The following EFL1 variants were observed in gnomAD, a reference collection of about 807,000 sequenced individuals.
The protein encoded by EFL1 is elongation factor-like GTPase 1.
A neutral mutation model predicts 126.7 loss-of-function variants in EFL1; 76 were observed. The observed-to-expected ratio is 0.60, with a 90% CI of 0.50 to 0.73. EFL1 has a LOEUF of 0.73. Among genes scored for constraint, EFL1 ranks in the 30% least tolerant of loss-of-function variants. The pLI, the probability that EFL1 is intolerant of heterozygous loss-of-function variation, is 0.00. For missense variants in EFL1, 1,128 were observed against 1,343.2 expected, an observed-to-expected ratio of 0.84 and a Z score of 2.50; for synonymous variants, 410 against 448.4, an observed-to-expected ratio of 0.91 and a Z score of 1.08.
intron 15 of EFL1, 107 bp from the exon 16 acceptor site, chr15:82,164,091 T>C (rs2074052146): frequency 2.9e-6 from 4 of 1,389,046 alleles, no homozygotes; most frequent in Middle Eastern, 2.0e-4. Context: ...AGCCAAATGC[T>C]TCCAAAATGT....
In EFL1 at chr15:82,220,208, A is replaced by G; in HGVS notation, c.1314T>C (p.Ile438=). Residue 438 remains isoleucine (I), a synonymous_variant, in exon 13 of 20, where the codon ATT becomes ATC. Coordinates refer to ENST00000268206, the MANE Select transcript of EFL1 (RefSeq NM_024580.6). ...GTCTTGCACGCTCACGTCTCTGAGC[A>G]ATTTCTTCTTGAGTGAGAGGCCTAC... The part of the protein sequence containing the change: ...NKPRPLTQEE[I]AQRRERARQR... The G allele has an allele frequency of 1.2e-6, 2 of 1,604,042 alleles. No homozygotes were observed. The highest frequency in any genetic ancestry group is 1.7e-6 in the Non-Finnish European group (2 of 1,177,068).
chr15:82,131,923 G>T (rs1385822407), intron 19 of EFL1, among the ~76,000 whole-genome samples: 2 of 151,902 alleles, frequency 1.3e-5, no homozygotes, highest in African/African-American at 4.8e-5. Context: ...TAAAAAAAAA[G>T]TCTCAAAGGA....
At chr15:82,146,280 C>T (rs1210699379) in intron 18 of EFL1, among the ~76,000 whole-genome samples, 2 of 151,918 alleles carry the variant, frequency 1.3e-5, no homozygotes, top group Non-Finnish European at 2.9e-5. Context: ...ATTCATTTTG[C>T]TAAATAAAAA....
intron 7 of EFL1, among the ~76,000 whole-genome samples, chr15:82,237,340 T>C (rs1370383198): frequency 6.6e-6 from 1 of 151,286 alleles, no homozygotes; most frequent in Non-Finnish European, 1.5e-5. Flanking sequence ...ATTAAGAAAA[T>C]GGGAAAGGAT....
rs781096931 is a variant in EFL1 at position 82,225,223 on chromosome 15, TA to T, written c.1233del (p.Ile412TyrfsTer79). 1 of 1,612,600 alleles carries T rather than the reference TA, an allele frequency of 6.2e-7. No homozygotes were observed. Among genetic ancestry groups the T allele is most frequent in the Non-Finnish European group, 8.5e-7 (1 of 1,179,586 alleles). On this transcript the variant is annotated frameshift_variant, in exon 12 of 20. Coordinates refer to ENST00000268206, the MANE Select transcript of EFL1 (RefSeq NM_024580.6). LOFTEE classifies it high-confidence loss of function. ...KCGSEDTAPV[I>X]IFVSKMFAVD... ...ACTGCAAACATTTTGGAAACAAATA[TA>T]ATAACTGGAGCAGTGTCCTCACTTC...
chr15:82,252,768 T>G lies in EFL1; in HGVS notation c.167A>C (p.Tyr56Ser). Reference protein sequence around the residue: ...ISSRLAGKLRYMDSREDEQIR... With the variant: ...ISSRLAGKLRSMDSREDEQIR... ...CTGTTCATCTTCTCTGCTGTCCATG[T>G]ACCTTAACTGGAAAAATGCAACATA... The change falls in exon 4 of 20, where the codon TAC (tyrosine) becomes TCC (serine). Residue 56 changes from tyrosine to serine, a missense_variant. Physicochemically the swap from Tyr to Ser is moderately radical, Grantham distance 144. Around this residue, in one of 6 missense-constraint regions of EFL1, gnomAD observed 118 missense variants for 188.1 expected, o/e 0.63. Coordinates refer to ENST00000268206, the MANE Select transcript of EFL1 (RefSeq NM_024580.6). The G allele has an allele frequency of 6.3e-7, 1 of 1,588,400 alleles. No individual in the cohort carries two copies. The highest frequency in any genetic ancestry group is 8.6e-7 in the Non-Finnish European group (1 of 1,158,068).
intron 4 of EFL1, among the ~76,000 whole-genome samples, chr15:82,245,933 TAAA>T (rs113073635): frequency 1.5e-5 from 2 of 136,690 alleles, no homozygotes; most frequent in Non-Finnish European, 3.2e-5. Context: ...ACTCTTGTCT[TAAA>T]AAAAAAAAAA....
intron 2 of EFL1, among the ~76,000 whole-genome samples, chr15:82,261,416 T>C (rs905540257): frequency 6.6e-6 from 1 of 152,236 alleles, no homozygotes; most frequent in Non-Finnish European, 1.5e-5. Flanking sequence ...ATTTTATATG[T>C]AAAGCCATTT....
chr15:82,145,289 G>C (rs530173622), intron 18 of EFL1, among the ~76,000 whole-genome samples: 1 of 137,906 alleles, frequency 7.3e-6, no homozygotes, highest in Admixed American at 7.3e-5. Context: ...GGCAACAAGA[G>C]CGAAACTCTG....
At chr15:82,165,091 A>G (rs1003935454) in intron 15 of EFL1, among the ~76,000 whole-genome samples, 1 of 151,968 alleles carries the variant, frequency 6.6e-6, no homozygotes, top group Non-Finnish European at 1.5e-5. Context: ...TGGGTAACAG[A>G]GTGAGACTTC....
chr15:82,132,682 G>GGGTGC (rs1555423074), intron 19 of EFL1, among the ~76,000 whole-genome samples: 32 of 16,158 alleles, frequency 2.0e-3, no homozygotes, highest in African/African-American at 9.6e-3. Flanking sequence ...TCCAGGAATT[G>GGGTGC]GGGGGGGGGG....
chr15:82,159,443 A>G (rs2074000183), intron 16 of EFL1, among the ~76,000 whole-genome samples: 1 of 152,148 alleles, frequency 6.6e-6, no homozygotes, highest in Admixed American at 6.5e-5. Context: ...TCAAGGTAAA[A>G]TAAAGGTAAC....
intron 7 of EFL1, among the ~76,000 whole-genome samples, chr15:82,234,652 A>G (rs1209005919): frequency 6.6e-6 from 1 of 152,208 alleles, no homozygotes; most frequent in Non-Finnish European, 1.5e-5. Context: ...AAACGGAGCC[A>G]GAGATTTGTT....
intron 15 of EFL1, among the ~76,000 whole-genome samples, chr15:82,179,513 C>T (rs1736079291): frequency 6.6e-6 from 1 of 152,030 alleles, no homozygotes; most frequent in African/African-American, 2.4e-5. Context: ...CCAGACAATC[C>T]CTGGCAGTTC....
At chr15:82,136,050 T>C (rs1361008012) in intron 19 of EFL1, among the ~76,000 whole-genome samples, 1 of 152,132 alleles carries the variant, frequency 6.6e-6, no homozygotes, top group Admixed American at 6.5e-5. Flanking sequence ...CAGTCTTACC[T>C]GCTTCCTAAC....
chr15:82,145,134 T>C lies in EFL1; in HGVS notation c.2990-6292A>G, dbSNP rs573098397. Reference sequence around the variant, plus strand: ...GCCTGACCAACATGGAGAAACCCCATCTCTACTAAAAATATAAAATTAGCC... The same window carrying C: ...GCCTGACCAACATGGAGAAACCCCACCTCTACTAAAAATATAAAATTAGCC... On this transcript the variant is annotated intron_variant, in intron 18 of 19. Coordinates refer to ENST00000268206, the MANE Select transcript of EFL1 (RefSeq NM_024580.6). Among the ~76,000 whole-genome samples, 5 of 151,178 alleles carry C rather than the reference T, an allele frequency of 3.3e-5. No individual in the cohort carries two copies. The South Asian group carries it at 8.4e-4, about 25-fold the overall frequency.
intron 19 of EFL1, among the ~76,000 whole-genome samples, chr15:82,133,238 T>C (rs997947219): frequency 6.6e-6 from 1 of 152,224 alleles, no homozygotes; most frequent in Non-Finnish European, 1.5e-5. Flanking sequence ...CCCTGAGCCA[T>C]GGTACCAGCC....
At chr15:82,231,038 T>C (rs1320408662) in intron 7 of EFL1, 67 bp from the exon 8 acceptor site, 2 of 1,544,874 alleles carry the variant, frequency 1.3e-6, no homozygotes, top group Non-Finnish European at 1.7e-6. Flanking sequence ...CAGGTACTGT[T>C]CAAACTTCTT....
chr15:82,225,141 G>A (rs765767901), intron 12 of EFL1, 24 bp downstream of exon 12: 3 of 1,568,084 alleles, frequency 1.9e-6, no homozygotes, highest in Non-Finnish European at 2.6e-6. Context: ...TCCTAGCCCA[G>A]CCCAACTTTC....
Sources: allele counts gnomAD v4.1 joint callset (sites outside exome capture counted in the v4.1 genomes callset), GRCh38; gene constraint gnomAD v4.1.1; regional missense constraint gnomAD v4.1.1; transcripts MANE v1.5; gene names NCBI Gene and HGNC (gene_info 2026-07-23, HGNC 2026-07-21).